The following TRIM8 variants were observed in gnomAD, a reference collection of about 807,000 sequenced individuals.
The protein encoded by TRIM8 is E3 ubiquitin-protein ligase TRIM8.
In TRIM8, 9 loss-of-function variants were observed where a neutral mutation model predicts 55.7. The ratio of observed to expected loss-of-function variants is 0.16; its 90% confidence interval spans 0.10 to 0.28. The LOEUF is 0.28. Among genes scored for constraint, TRIM8 ranks in the 10% least tolerant of loss-of-function variants. The pLI, the probability that TRIM8 is intolerant of heterozygous loss-of-function variation, is 1.00. For synonymous variants in TRIM8, 335 were observed against 333.3 expected (o/e 1.01, Z -0.06); for missense variants, 556 against 736.4 (o/e 0.76, Z 2.83).
chr10:102,644,589 C>T lies in TRIM8; in HGVS notation c.-29C>T. Reference sequence around the variant, plus strand: ...CCCCGGGGCTGGGGAGTCGGGGAGGCCTGCCCCGGCCCCCTGCCCGCGGCC... The same window carrying T: ...CCCCGGGGCTGGGGAGTCGGGGAGGTCTGCCCCGGCCCCCTGCCCGCGGCC... On this transcript the variant is annotated 5_prime_UTR_variant, in exon 1 of 6. Transcript: ENST00000643721. 1 of 1,601,100 alleles carries T rather than the reference C, an allele frequency of 6.2e-7. No individual in the cohort carries two copies. Among genetic ancestry groups the T allele is most frequent in the Non-Finnish European group, 8.5e-7 (1 of 1,174,824 alleles).
chr10:102,656,738 T>G lies in TRIM8; in HGVS notation c.1049-9T>G. 6.6e-7 allele frequency: 1 copy of G among 1,506,762 alleles called. No individual in the cohort carries two copies. The highest frequency in any genetic ancestry group is 8.9e-7 in the Non-Finnish European group (1 of 1,129,584). 93.3% of individuals were successfully genotyped at this position (1,506,762 alleles called of 1,614,324 possible). ...GAGCTTTGGCGACTTTTGCCCCAACTCTCCACAGGCCCCTTCAGCACGCCG... is the reference window on the plus strand; with the variant it reads ...GAGCTTTGGCGACTTTTGCCCCAACGCTCCACAGGCCCCTTCAGCACGCCG... On this transcript the variant is annotated splice_polypyrimidine_tract_variant and intron_variant, in intron 5 of 5. Coordinates refer to ENST00000643721, the MANE Select transcript of TRIM8 (RefSeq NM_030912.3). This position sits in a 1 kb window ranked among gnomAD's most constrained non-coding sequence, Gnocchi z 4.6.
intron 1 of TRIM8, among the ~76,000 whole-genome samples, chr10:102,647,167 C>T (rs1265734009): frequency 4.6e-5 from 7 of 152,190 alleles, no homozygotes; most frequent in Admixed American, 4.6e-4. Context: ...CCCTCATTTC[C>T]AGACTCGTGG....
rs573850109 is a variant in TRIM8, at chr10:102,644,917, G to A, written c.300G>A (p.Pro100=). 1.9e-6 allele frequency: 3 copies of A among 1,605,448 alleles called. No homozygotes were observed. Among genetic ancestry groups the A allele is most frequent in the Admixed American group, 3.4e-5 (2 of 58,978 alleles). The change falls in exon 1 of 6, where the codon CCG becomes CCA. Residue 100 remains proline (P), a synonymous_variant. Transcript: ENST00000643721. Reference sequence around the variant, plus strand: ...GCGTGTTCTGCCGCCGCGGCCCCCCGCTGCCCGCGCAGAAGGTCTGCCTGC... The same window carrying A: ...GCGTGTTCTGCCGCCGCGGCCCCCCACTGCCCGCGCAGAAGGTCTGCCTGC... ...LHCVFCRRGP[P]LPAQKVCLRC... is the part of the protein sequence containing the mutation.
rs78634014 is a variant in TRIM8 at position 102,646,040 on chromosome 10, C to G, written c.570+853C>G. On this transcript the variant is annotated intron_variant, in intron 1 of 5. Coordinates refer to ENST00000643721, the MANE Select transcript of TRIM8 (RefSeq NM_030912.3). ...CAGGCAGCTGGCTCCCCTGGGCTGC[C>G]GGCTGGGTGATTACGGAACCGCGTC... 2.6e-3 allele frequency among the ~76,000 whole-genome samples: 399 copies of G among 152,282 alleles called. 11 individuals carry two copies. The East Asian group carries it at 0.069, about 26-fold the overall frequency.
chr10:102,657,110 A>G lies in TRIM8; in HGVS notation c.1412A>G (p.Asp471Gly). Residue 471 changes from aspartate to glycine, a missense_variant, in exon 6 of 6, where the codon GAC (aspartate) becomes GGC (glycine). Physicochemically the swap from Asp to Gly is moderately conservative, Grantham distance 94. Coordinates refer to ENST00000643721, the MANE Select transcript of TRIM8 (RefSeq NM_030912.3). ...CGCAAGATTCTCGTCTGTTCTGTGG[A>G]CAACTGTTACTGTTCTTCCGTGGCC... ...GGRKILVCSV[D>G]NCYCSSVANH... 1.2e-6 allele frequency: 2 copies of G among 1,613,842 alleles called. 1 individual carries two copies. Among genetic ancestry groups the G allele is most frequent in the East Asian group, 4.5e-5 (2 of 44,866 alleles).
Position 102,644,952 on chromosome 10 carries a change from C to A in TRIM8, c.335C>A (p.Ala112Glu), listed in dbSNP as rs555187554. ...CAGAAGGTCTGCCTGCGCTGCGAGGCGCCCTGCTGCCAGTCCCACGTGCAG... is the reference window on the plus strand; with the variant it reads ...CAGAAGGTCTGCCTGCGCTGCGAGGAGCCCTGCTGCCAGTCCCACGTGCAG... ...PAQKVCLRCE[A>E]PCCQSHVQTH... The change falls in exon 1 of 6, where the codon GCG becomes GAG. Residue 112 changes from alanine to glutamate, a missense_variant. Physicochemically the swap from Ala to Glu is moderately radical, Grantham distance 107. Coordinates refer to ENST00000643721, the MANE Select transcript of TRIM8 (RefSeq NM_030912.3). The A allele has an allele frequency of 1.3e-6, 2 of 1,596,064 alleles. No homozygotes were observed. The highest frequency in any genetic ancestry group is 1.7e-6 in the Non-Finnish European group (2 of 1,172,186).
rs878984174 is a variant in TRIM8 at position 102,654,841 on chromosome 10, A to G, written c.666+93A>G. 9.6e-6 allele frequency: 10 copies of G among 1,044,724 alleles called. 1 individual carries two copies. The highest frequency in any genetic ancestry group is 4.5e-4 in the Middle Eastern group (2 of 4,402). 64.7% of individuals were successfully genotyped at this position (1,044,724 alleles called of 1,614,324 possible). ...TACTAAGGATTGATTGTGTAGCCCT[A>G]TGCCAGAACCACTCCATCAGTCATT... On this transcript the variant is annotated intron_variant, in intron 2 of 5. Transcript: ENST00000643721.
Position 102,655,086 on chromosome 10 carries a change from G to A in TRIM8, c.673G>A (p.Val225Met), listed in dbSNP as rs1471663274. The A allele has an allele frequency of 2.5e-6, 4 of 1,612,798 alleles. No homozygotes were observed. Among genetic ancestry groups the A allele is most frequent in the Non-Finnish European group, 3.4e-6 (4 of 1,179,652 alleles). ...ESDKRLVEEKVNQLKEEVRLQ... is the reference protein window; with the variant it reads ...ESDKRLVEEKMNQLKEEVRLQ... ...CTGCCCTCTGTACTCGCAGGAGAAA[G>A]TGAACCAACTGAAGGAGGAAGTTCG... The change falls in exon 3 of 6, where the codon GTG (valine) becomes ATG (methionine). Residue 225 changes from valine to methionine, a missense_variant. Coordinates refer to ENST00000643721, the MANE Select transcript of TRIM8 (RefSeq NM_030912.3).
In TRIM8 at chr10:102,655,265, C is replaced by T; in HGVS notation, c.852C>T (p.Gly284=). The change falls in exon 3 of 6, where the codon GGC becomes GGT. Residue 284 remains glycine (G), a synonymous_variant. Coordinates refer to ENST00000643721, the MANE Select transcript of TRIM8 (RefSeq NM_030912.3). ...ERMQEAKKLL[G]SLQLLFDKTE... is the part of the protein sequence containing the mutation. ...TGCAGGAGGCCAAGAAGCTGCTGGGCTCCCTGCAGCTGCTCTTTGATAAGA... is the reference window on the plus strand; with the variant it reads ...TGCAGGAGGCCAAGAAGCTGCTGGGTTCCCTGCAGCTGCTCTTTGATAAGA... 9 of 1,602,078 alleles carry T rather than the reference C, an allele frequency of 5.6e-6. No homozygotes were observed. Among genetic ancestry groups the T allele is most frequent in the South Asian group, 1.1e-5 (1 of 89,704 alleles).
chr10:102,654,827 G>C, intron 2 of TRIM8, 79 bp downstream of exon 2: 3 of 1,143,234 alleles, frequency 2.6e-6, no homozygotes, highest in Non-Finnish European at 4.0e-6. Flanking sequence ...ACTAAGGATT[G>C]ATTGTGTAGC....
intron 1 of TRIM8, among the ~76,000 whole-genome samples, chr10:102,647,358 C>A (rs561273903): frequency 6.6e-6 from 1 of 152,330 alleles, no homozygotes; most frequent in East Asian, 1.9e-4. Flanking sequence ...CAGCTGTGCC[C>A]TGCAGTGGCA....
rs2064026819 is a variant in TRIM8 at position 102,656,565 on chromosome 10, C to A, written c.1048+180C>A. On this transcript the variant is annotated intron_variant, in intron 5 of 5. Coordinates refer to ENST00000643721, the MANE Select transcript of TRIM8 (RefSeq NM_030912.3). This position sits in a 1 kb window ranked among gnomAD's most constrained non-coding sequence, Gnocchi z 4.6. ...AACATGACCTCCCCAGCCTCCATTT[C>A]TTCAGCTTAAAGTGGGGATATAACT... 2 of 1,310,854 alleles carry A rather than the reference C, an allele frequency of 1.5e-6. No homozygotes were observed. Among genetic ancestry groups the A allele is most frequent in the East Asian group, 2.5e-5 (1 of 39,690 alleles). The allele number at this position is 1,310,854 out of a possible 1,614,324, so 81.2% of individuals were successfully genotyped here. A position where few individuals can be genotyped will look rare whatever the true frequency, so the allele number is the denominator to read the frequency against.
At chr10:102,645,866 T>A (rs2063930923) in intron 1 of TRIM8, 4 of 152,216 alleles carry the variant, frequency 2.6e-5, no homozygotes, top group Admixed American at 2.6e-4. Context: ...ACGGGCCGCA[T>A]GAACAAGCCT....
chr10:102,644,975 C>A lies in TRIM8; in HGVS notation c.358C>A (p.Gln120Lys). ...CEAPCCQSHV[Q>K]THLQQPSTAR... is the part of the protein sequence containing the mutation. ...GGCGCCCTGCTGCCAGTCCCACGTG[C>A]AGACGCACCTGCAGCAGCCCTCCAC... The change falls in exon 1 of 6, where the codon CAG (glutamine) becomes AAG (lysine). Residue 120 changes from glutamine (Q) to lysine (K), a missense_variant. Gln to Lys is a moderately conservative substitution (Grantham distance 53). Coordinates refer to ENST00000643721, the MANE Select transcript of TRIM8 (RefSeq NM_030912.3). The A allele has an allele frequency of 6.3e-7, 1 of 1,598,962 alleles. No individual in the cohort carries two copies. Among genetic ancestry groups the A allele is most frequent in the Non-Finnish European group, 8.5e-7 (1 of 1,174,552 alleles).
At position 102,655,241 on chromosome 10, in the gene TRIM8, G is replaced by T. The variant is rs757000874; in HGVS notation, c.828G>T (p.Met276Ile). Reference sequence around the variant, plus strand: ...AGGCGCTGCACCTCGGGGAGCGCATGCAGGAGGCCAAGAAGCTGCTGGGCT... The same window carrying T: ...AGGCGCTGCACCTCGGGGAGCGCATTCAGGAGGCCAAGAAGCTGCTGGGCT... ...AAQALHLGERMQEAKKLLGSL... is the reference protein window; with the variant it reads ...AAQALHLGERIQEAKKLLGSL... Residue 276 changes from methionine (M) to isoleucine (I), a missense_variant, in exon 3 of 6, where the codon ATG (methionine) becomes ATT (isoleucine). Around this residue, in one of 2 missense-constraint regions of TRIM8, gnomAD observed 391 missense variants for 441.0 expected, o/e 0.89. Coordinates refer to ENST00000643721, the MANE Select transcript of TRIM8 (RefSeq NM_030912.3). The T allele has an allele frequency of 2.6e-5, 41 of 1,601,584 alleles. No homozygotes were observed. The South Asian group carries it at 4.3e-4, about 17-fold the overall frequency.
At chr10:102,655,981 T>C in intron 3 of TRIM8, 125 bp from the exon 4 acceptor site, 1 of 1,415,566 alleles carries the variant, frequency 7.1e-7, no homozygotes, top group Admixed American at 1.7e-5. Context: ...CCACTTTCTG[T>C]CCAGAATGAG....
chr10:102,649,568 G>A (rs971887248), intron 1 of TRIM8, among the ~76,000 whole-genome samples: 7 of 152,204 alleles, frequency 4.6e-5, no homozygotes, highest in Admixed American at 3.3e-4. Flanking sequence ...TTCAAAGCCA[G>A]ACAAAGGGGG....
Position 102,655,151 on chromosome 10 carries a change from C to G in TRIM8, c.738C>G (p.Asp246Glu). The G allele has an allele frequency of 6.2e-7, 1 of 1,612,300 alleles. No individual in the cohort carries two copies. Among genetic ancestry groups the G allele is most frequent in the Non-Finnish European group, 8.5e-7 (1 of 1,179,530 alleles). The change falls in exon 3 of 6, where the codon GAC becomes GAG. Residue 246 changes from aspartate (D) to glutamate (E), a missense_variant. By Grantham distance (45) the Asp-to-Glu change is conservative. Around this residue, in one of 2 missense-constraint regions of TRIM8, gnomAD observed 391 missense variants for 441.0 expected, o/e 0.89. Coordinates refer to ENST00000643721, the MANE Select transcript of TRIM8 (RefSeq NM_030912.3). ...AGCTGCACCAGCTGCTGGACGAGGACCTGCGGCAGACAGTGGAGGTCCTAG... is the reference window on the plus strand; with the variant it reads ...AGCTGCACCAGCTGCTGGACGAGGAGCTGCGGCAGACAGTGGAGGTCCTAG... ...YEKLHQLLDE[D>E]LRQTVEVLDK...
At chr10:102,653,789 A>G (rs2064002961) in intron 1 of TRIM8, 1 of 152,154 alleles carries the variant, frequency 6.6e-6, no homozygotes, top group African/African-American at 2.4e-5. Flanking sequence ...GTAAAGTGAG[A>G]TCTTTGGACT....
Sources: gnomAD v4.1 joint callset for allele counts (sites outside exome capture counted in the v4.1 genomes callset) on GRCh38, gnomAD v4.1.1 for gene constraint, gnomAD v4.1.1 regional missense constraint, Gnocchi (gnomAD v3.1) non-coding constraint, MANE v1.5 for transcripts, NCBI Gene and HGNC (gene_info 2026-07-23, HGNC 2026-07-21) for gene names.